Variants in BECN1 observed in about 807,000 individuals in gnomAD.
The protein encoded by BECN1 is beclin-1.
Under a neutral mutation model 60.1 loss-of-function variants are expected in BECN1, and 15 were observed. The observed-to-expected ratio is 0.25, with a 90% CI of 0.17 to 0.38. The LOEUF (loss-of-function observed/expected upper bound fraction) is 0.38, where lower values mean the gene tolerates loss of function less well. Ranked by LOEUF, BECN1 falls within the 10% of genes least tolerant of loss-of-function variation. The pLI is 1.00. For missense variants in BECN1, 424 were observed against 548.2 expected, an observed-to-expected ratio of 0.77 and a Z score of 2.26; for synonymous variants, 179 against 201.8, an observed-to-expected ratio of 0.89 and a Z score of 0.96.
chr17:42,812,052 C>T lies in BECN1; in HGVS notation c.1042-255G>A. ...ATCCTTAATCCAAAAATCCAAATTG[C>T]TACAAAACCTTTCCAGGAAGAGTAC... On this transcript the variant is annotated intron_variant, in intron 10 of 11. Coordinates refer to ENST00000590099, the MANE Select transcript of BECN1 (RefSeq NM_001313998.2). The T allele has an allele frequency of 9.3e-6, 4 of 431,580 alleles. No individual in the cohort carries two copies. In the South Asian group the frequency reaches 1.4e-4, roughly 15 times the overall value. 26.7% of individuals were successfully genotyped at this position (431,580 alleles called of 1,614,324 possible). A position where few individuals can be genotyped will look rare whatever the true frequency, so the allele number is the denominator to read the frequency against.
intron 2 of BECN1, 103 bp from the exon 3 acceptor site, chr17:42,820,944 C>G: frequency 9.8e-7 from 1 of 1,018,548 alleles, no homozygotes; most frequent in Non-Finnish European, 1.5e-6. Context: ...ACCACCCTCA[C>G]CTCCAATTTT....
rs748581500 is a variant in BECN1 at position 42,813,933 on chromosome 17, A to T, written c.1041+15T>A. ...GAACTCTGTATTCCAGTGAAAATGG[A>T]GCTTCACAGAGTACCTTAGATTTGT... On this transcript the variant is annotated intron_variant, in intron 10 of 11. Coordinates refer to ENST00000590099, the MANE Select transcript of BECN1 (RefSeq NM_001313998.2). The T allele has an allele frequency of 2.6e-6, 4 of 1,557,554 alleles. No individual in the cohort carries two copies. The South Asian group carries it at 4.6e-5, about 18-fold the overall frequency.
Position 42,818,355 on chromosome 17 carries a change from C to G in BECN1, c.549G>C (p.Glu183Asp). The G allele has an allele frequency of 2.5e-6, 4 of 1,614,224 alleles. No individual in the cohort carries two copies. In the South Asian group the frequency reaches 4.4e-5, roughly 18 times the overall value. Residue 183 changes from glutamate (E) to aspartate (D), a missense_variant, in exon 7 of 12, where the codon GAG (glutamate) becomes GAC (aspartate). By Grantham distance (45) the Glu-to-Asp change is conservative. Coordinates refer to ENST00000590099, the MANE Select transcript of BECN1 (RefSeq NM_001313998.2). ...CCTCCTCTAGTGCCAGCTCCTTTAG[C>G]TCCATCTGTAACTGTTCACTGTCAT... The part of the protein sequence containing the change: ...NEDDSEQLQM[E>D]LKELALEEER...
chr17:42,811,404 G>A, intron 11 of BECN1: 1 of 385,162 alleles, frequency 2.6e-6, no homozygotes, highest in Non-Finnish European at 4.6e-6. Context: ...AACTGGAGAG[G>A]AGGCTTGAGC....
intron 6 of BECN1, 49 bp from the exon 7 acceptor site, chr17:42,818,464 A>C (rs1277760123): frequency 1.9e-6 from 3 of 1,612,098 alleles, no homozygotes; most frequent in Non-Finnish European, 2.5e-6. Context: ...CATTTGCCTG[A>C]GTGGAGTACG....
At chr17:42,817,518 G>A (rs78304748) in intron 7 of BECN1, among the ~76,000 whole-genome samples, 3,348 of 152,192 alleles carry the variant, frequency 0.022, 120 homozygotes, top group African/African-American at 0.076. Flanking sequence ...CTAGAGAGAG[G>A]GTTCTCTCAG....
intron 9 of BECN1, 64 bp downstream of exon 9, chr17:42,814,460 C>T (rs756644471): frequency 5.0e-6 from 8 of 1,597,418 alleles, no homozygotes; most frequent in Non-Finnish European, 6.0e-6. Flanking sequence ...GACAGCAGTA[C>T]CAGGTTGGAG....
In BECN1 at chr17:42,817,295, T is replaced by TAA. The variant is rs575401350; in HGVS notation, c.683+924_683+925dup. Among the ~76,000 whole-genome samples the TAA allele has an allele frequency of 2.9e-4, 38 of 130,880 alleles. 1 individual carries two copies. The highest frequency in any genetic ancestry group is 7.2e-4 in the African/African-American group (26 of 36,198). The allele number at this position is 130,880 out of a possible 152,430, so 85.9% of individuals were successfully genotyped here. A position where few individuals can be genotyped will look rare whatever the true frequency, so the allele number is the denominator to read the frequency against. The stretch of plus-strand genomic sequence containing the variant: ...GGATGACAGAGTAAGACTCTGTTTC[T>TAA]AAAAAAAAAAAAAACAAAAAAACAG... On this transcript the variant is annotated intron_variant, in intron 7 of 11. Coordinates refer to ENST00000590099, the MANE Select transcript of BECN1 (RefSeq NM_001313998.2).
intron 10 of BECN1, 41 bp from the exon 11 acceptor site, chr17:42,811,838 GA>G: frequency 6.3e-7 from 1 of 1,594,172 alleles, no homozygotes; most frequent in South Asian, 1.1e-5. Context: ...CTGGCACCAA[GA>G]AAGGCTTCCA....
At position 42,816,049 on chromosome 17, in the gene BECN1, T is replaced by C. The variant is rs770725412; in HGVS notation, c.689A>G (p.Gln230Arg). 6.3e-7 allele frequency: 1 copy of C among 1,586,616 alleles called. No homozygotes were observed. The highest frequency in any genetic ancestry group is 1.7e-5 in the Admixed American group (1 of 57,460). The change falls in exon 8 of 12, where the codon CAG (glutamine) becomes CGG (arginine). Residue 230 changes from glutamine (Q) to arginine (R), a missense_variant. By Grantham distance (43) the Gln-to-Arg change is conservative (BLOSUM62 1). Around this residue, in one of 3 missense-constraint regions of BECN1, gnomAD observed 326 missense variants for 406.2 expected, o/e 0.80. Coordinates refer to ENST00000590099, the MANE Select transcript of BECN1 (RefSeq NM_001313998.2). ...TCGTTTAAATTCACTGTATTCTCTC[T>C]GATACCTGTGAGCAGCCAAGGGGGC... ...ERLDQEEAQY[Q>R]REYSEFKRQQ... is the part of the protein sequence containing the mutation.
At position 42,813,579 on chromosome 17, in the gene BECN1, C is replaced by T. The variant is rs149505500; in HGVS notation, c.1041+369G>A. 1,302 of 162,678 alleles carry T rather than the reference C, an allele frequency of 8.0e-3. 16 individuals carry two copies. The highest frequency in any genetic ancestry group is 0.029 in the African/African-American group (1,197 of 41,752). The allele number at this position is 162,678 out of a possible 1,614,324, so 10.1% of individuals were successfully genotyped here. ...GAATTTTGTGTTTAGACTTGGGTCCCATTCCCAAGATATCTTAGTATCTAT... is the reference window on the plus strand; with the variant it reads ...GAATTTTGTGTTTAGACTTGGGTCCTATTCCCAAGATATCTTAGTATCTAT... On this transcript the variant is annotated intron_variant, in intron 10 of 11. Coordinates refer to ENST00000590099, the MANE Select transcript of BECN1 (RefSeq NM_001313998.2).
chr17:42,811,030 T>A, intron 11 of BECN1, 102 bp from the exon 12 acceptor site: 1 of 1,203,050 alleles, frequency 8.3e-7, no homozygotes, highest in Non-Finnish European at 1.1e-6. Context: ...TTTTATCTAT[T>A]AAAGAACACT....
intron 2 of BECN1, among the ~76,000 whole-genome samples, chr17:42,823,089 G>A (rs1239149079): frequency 2.0e-5 from 3 of 151,964 alleles, no homozygotes; most frequent in Admixed American, 6.6e-5. Context: ...ATGTAATGAC[G>A]GTATACCCCG....
rs533730711 is a variant in BECN1 at position 42,810,963 on chromosome 17, G to A, written c.1185-35C>T. The A allele has an allele frequency of 3.9e-6, 6 of 1,535,168 alleles. No individual in the cohort carries two copies. The East Asian group carries it at 9.4e-5, about 24-fold the overall frequency. On this transcript the variant is annotated intron_variant, in intron 11 of 11. Transcript: ENST00000590099. ...GACAGAGCAAAACTCATTAGTAACT[G>A]AGATCTGAGTTAAGTAAGTTCGGGG... is the stretch of plus-strand genomic sequence containing the variant.
intron 2 of BECN1, 152 bp from the exon 3 acceptor site, chr17:42,820,993 T>C (rs2055252132): frequency 1.5e-6 from 1 of 650,156 alleles, no homozygotes; most frequent in Non-Finnish European, 2.7e-6. Context: ...TCTGTGGTCT[T>C]CCTCACCCCC....
Position 42,816,032 on chromosome 17 carries a change from A to G in BECN1, c.706T>C (p.Phe236Leu), listed in dbSNP as rs2055138094. ...EAQYQREYSE[F>L]KRQQLELDDE... is the part of the protein sequence containing the mutation. ...TCCAGCTCCAGCTGCTGTCGTTTAA[A>G]TTCACTGTATTCTCTCTGATACCTG... The change falls in exon 8 of 12, where the codon TTT becomes CTT. Residue 236 changes from phenylalanine (F) to leucine (L), a missense_variant. By Grantham distance (22) the Phe-to-Leu change is conservative (BLOSUM62 0). Around this residue, in one of 3 missense-constraint regions of BECN1, gnomAD observed 326 missense variants for 406.2 expected, o/e 0.80. Coordinates refer to ENST00000590099, the MANE Select transcript of BECN1 (RefSeq NM_001313998.2). 2 of 1,601,514 alleles carry G rather than the reference A, an allele frequency of 1.2e-6. No individual in the cohort carries two copies. Among genetic ancestry groups the G allele is most frequent in the Non-Finnish European group, 1.7e-6 (2 of 1,173,696 alleles).
Position 42,813,974 on chromosome 17 carries a change from G to T in BECN1, c.1015C>A (p.Leu339Met). 6.2e-7 allele frequency: 1 copy of T among 1,606,304 alleles called. No individual in the cohort carries two copies. Among genetic ancestry groups the T allele is most frequent in the Non-Finnish European group, 8.5e-7 (1 of 1,174,450 alleles). The change falls in exon 10 of 12, where the codon CTG becomes ATG. Residue 339 changes from leucine to methionine, a missense_variant. Leu to Met is a conservative substitution (Grantham distance 15). This residue lies in a region of BECN1 where 326 missense variants were observed against 406.2 expected (regional missense o/e 0.80). Coordinates refer to ENST00000590099, the MANE Select transcript of BECN1 (RefSeq NM_001313998.2). ...RLVPYGNHSY[L>M]ESLTDKSKEL... ...TTAGATTTGTCTGTCAGAGACTCCA[G>T]ATATGAATGGTTTCCGTAAGGAACA... is the stretch of plus-strand genomic sequence containing the variant.
In BECN1 at chr17:42,816,048, C is replaced by CT; in HGVS notation, c.689dup (p.Arg231GlufsTer5). 1.3e-6 allele frequency: 2 copies of CT among 1,588,984 alleles called. No homozygotes were observed. ...GTCGTTTAAATTCACTGTATTCTCT[C>CT]TGATACCTGTGAGCAGCCAAGGGGG... is the stretch of plus-strand genomic sequence containing the variant. On this transcript the variant is annotated frameshift_variant, in exon 8 of 12. Coordinates refer to ENST00000590099, the MANE Select transcript of BECN1 (RefSeq NM_001313998.2). LOFTEE classifies it high-confidence loss of function.
Position 42,813,998 on chromosome 17 carries a change from C to T in BECN1, c.991G>A (p.Val331Ile), listed in dbSNP as rs765154431. ...MGLKFQRYRL[V>I]PYGNHSYLES... ...AGATATGAATGGTTTCCGTAAGGAACAAGTCGGTATCTAAAATAGAGATAC... is the reference window on the plus strand; with the variant it reads ...AGATATGAATGGTTTCCGTAAGGAATAAGTCGGTATCTAAAATAGAGATAC... Residue 331 changes from valine (V) to isoleucine (I), a missense_variant, in exon 10 of 12, where the codon GTT becomes ATT. Around this residue, in one of 3 missense-constraint regions of BECN1, gnomAD observed 326 missense variants for 406.2 expected, o/e 0.80. Transcript: ENST00000590099. The T allele has an allele frequency of 3.7e-6, 6 of 1,602,778 alleles. No individual in the cohort carries two copies. The East Asian group carries it at 6.7e-5, about 18-fold the overall frequency.
Sources: allele counts gnomAD v4.1 joint callset (sites outside exome capture counted in the v4.1 genomes callset), GRCh38; gene constraint gnomAD v4.1.1; regional missense constraint gnomAD v4.1.1; transcripts MANE v1.5; gene names NCBI Gene and HGNC (gene_info 2026-07-23, HGNC 2026-07-21).